SRRM4: variants seen among roughly 807,000 people sequenced by gnomAD.
SRRM4 encodes serine/arginine repetitive matrix protein 4.
In SRRM4, 33 loss-of-function variants were observed where a neutral mutation model predicts 68.9. That is an observed-to-expected ratio of 0.48 (90% CI 0.36 to 0.64). The LOEUF (loss-of-function observed/expected upper bound fraction) is 0.64. Among genes scored for constraint, SRRM4 ranks in the 30% least tolerant of loss-of-function variants. SRRM4 has a pLI of 0.00. For synonymous variants in SRRM4, 318 were observed against 318.8 expected, an observed-to-expected ratio of 1.00 and a Z score of 0.03; for missense variants, 817 against 827.1, an observed-to-expected ratio of 0.99 and a Z score of 0.15.
At chr12:119,090,784 G>C (rs558825688) in intron 1 of SRRM4, among the ~76,000 whole-genome samples, 1 of 152,116 alleles carries the variant, frequency 6.6e-6, no homozygotes, top group African/African-American at 2.4e-5. Context: ...GCTCCCCAAA[G>C]GCTGGCCCAG....
intron 6 of SRRM4, among the ~76,000 whole-genome samples, chr12:119,122,506 GTA>G (rs60441565): frequency 0.019 from 2,949 of 152,216 alleles, 83 homozygotes; most frequent in African/African-American, 0.067. Flanking sequence ...TACCTTGTGT[GTA>G]TATTTATACA....
intron 1 of SRRM4, among the ~76,000 whole-genome samples, chr12:119,047,128 T>G (rs1236973856): frequency 6.6e-6 from 1 of 151,310 alleles, no homozygotes; most frequent in Non-Finnish European, 1.5e-5. Context: ...CTTGGGAAAA[T>G]CTCTGAAACT....
At chr12:119,144,589 T>C (rs558881078) in intron 8 of SRRM4, 15 of 152,302 alleles carry the variant, frequency 9.8e-5, no homozygotes, top group Admixed American at 8.5e-4. Context: ...CATGAGAGAA[T>C]TTATTAGAAG....
At chr12:119,155,456 C>T (rs368752575) in intron 12 of SRRM4, among the ~76,000 whole-genome samples, 2 of 152,240 alleles carry the variant, frequency 1.3e-5, no homozygotes, top group East Asian at 3.9e-4. Flanking sequence ...CCACAGGGCA[C>T]CCTGCCTCAG....
chr12:119,033,482 G>A (rs1286971347), intron 1 of SRRM4, among the ~76,000 whole-genome samples: 1 of 152,114 alleles, frequency 6.6e-6, no homozygotes, highest in Admixed American at 6.5e-5. Flanking sequence ...TGGCCCACAT[G>A]GTGAAATCCC....
chr12:118,989,548 C>G (rs1344796811), intron 1 of SRRM4, among the ~76,000 whole-genome samples: 1 of 141,320 alleles, frequency 7.1e-6, no homozygotes, highest in Non-Finnish European at 1.5e-5. Context: ...CCCACACCTT[C>G]CAGCCCCCCA....
In SRRM4 at chr12:119,130,667, C is replaced by T; in HGVS notation, c.615-11C>T. On this transcript the variant is annotated splice_polypyrimidine_tract_variant and intron_variant, in intron 7 of 12. Coordinates refer to ENST00000267260, the MANE Select transcript of SRRM4 (RefSeq NM_194286.4). ...TCAAAAGACCCTCAGGTCTCTCTCC[C>T]CCATCCCCAGGCACCGCGGCCGGTC... 1.2e-6 allele frequency: 2 copies of T among 1,607,094 alleles called. No homozygotes were observed. Among genetic ancestry groups the T allele is most frequent in the Non-Finnish European group, 8.5e-7 (1 of 1,177,266 alleles).
At chr12:119,015,942 C>T (rs1051563472) in intron 1 of SRRM4, among the ~76,000 whole-genome samples, 7 of 152,000 alleles carry the variant, frequency 4.6e-5, no homozygotes, top group Admixed American at 3.9e-4. Context: ...CATATTCATG[C>T]CCACCAAGAA....
At chr12:119,148,033 A>G (rs1407729358) in intron 9 of SRRM4, among the ~76,000 whole-genome samples, 1 of 151,354 alleles carries the variant, frequency 6.6e-6, no homozygotes, top group Non-Finnish European at 1.5e-5. Flanking sequence ...CTTATAATTA[A>G]TGAGGCAGAT....
chr12:119,017,805 C>T (rs1302893695), intron 1 of SRRM4, among the ~76,000 whole-genome samples: 1 of 152,166 alleles, frequency 6.6e-6, no homozygotes, highest in East Asian at 1.9e-4. Flanking sequence ...TGAACTCATT[C>T]TGCCTCACTC....
chr12:119,150,476 T>C (rs983766688), intron 9 of SRRM4, among the ~76,000 whole-genome samples: 1 of 152,128 alleles, frequency 6.6e-6, no homozygotes, highest in African/African-American at 2.4e-5. Flanking sequence ...AAGAATCACA[T>C]GTCCTAAATA....
chr12:119,090,130 C>A (rs1050549716), intron 1 of SRRM4, among the ~76,000 whole-genome samples: 8 of 152,080 alleles, frequency 5.3e-5, no homozygotes, highest in Admixed American at 2.6e-4. Flanking sequence ...CAGACTCGAG[C>A]TGAAATGTTG....
chr12:119,019,953 C>T (rs1353061144), intron 1 of SRRM4, among the ~76,000 whole-genome samples: 1 of 75,364 alleles, frequency 1.3e-5, no homozygotes, highest in Non-Finnish European at 3.4e-5. Flanking sequence ...CCCCGCTCCC[C>T]CCCCCCCCAA....
intron 1 of SRRM4, among the ~76,000 whole-genome samples, chr12:119,008,074 C>T (rs1953426518): frequency 6.6e-6 from 1 of 152,154 alleles, no homozygotes; most frequent in African/African-American, 2.4e-5. Flanking sequence ...GAGGCTAATA[C>T]CCTTCCATTG....
chr12:119,091,468 CAG>C (rs1444250523), intron 1 of SRRM4, among the ~76,000 whole-genome samples: 1 of 152,100 alleles, frequency 6.6e-6, no homozygotes, highest in African/African-American at 2.4e-5. Flanking sequence ...GAAAGGTAGT[CAG>C]AGTCACAGTG....
chr12:119,146,733 G>A (rs1278401168), intron 9 of SRRM4, among the ~76,000 whole-genome samples: 3 of 152,056 alleles, frequency 2.0e-5, no homozygotes, highest in Admixed American at 6.5e-5. Context: ...TCAGGAGATC[G>A]AGACCATCCT....
At position 119,153,521 on chromosome 12, in the gene SRRM4, C is replaced by A; in HGVS notation, c.1281-18C>A. Reference sequence around the variant, plus strand: ...GGACACTCAGCAGGCTCCTCAGAGGCTGTTACCTCTCCCCCAGGTCCTACT... The same window carrying A: ...GGACACTCAGCAGGCTCCTCAGAGGATGTTACCTCTCCCCCAGGTCCTACT... On this transcript the variant is annotated intron_variant, in intron 10 of 12. Coordinates refer to ENST00000267260, the MANE Select transcript of SRRM4 (RefSeq NM_194286.4). The A allele has an allele frequency of 2.0e-6, 3 of 1,512,518 alleles. No individual in the cohort carries two copies. Among genetic ancestry groups the A allele is most frequent in the Non-Finnish European group, 2.7e-6 (3 of 1,110,400 alleles). 93.7% of individuals were successfully genotyped at this position (1,512,518 alleles called of 1,614,324 possible). A position where few individuals can be genotyped will look rare whatever the true frequency, so the allele number is the denominator to read the frequency against.
chr12:119,108,541 C>G (rs553761065), intron 2 of SRRM4, among the ~76,000 whole-genome samples: 11 of 152,088 alleles, frequency 7.2e-5, no homozygotes, highest in Non-Finnish European at 1.6e-4. Context: ...AGCTCTTCTT[C>G]TTGAATTGAT....
intron 2 of SRRM4, 139 bp downstream of exon 2, chr12:119,102,521 C>A (rs550475810): frequency 1.5e-6 from 1 of 678,880 alleles, no homozygotes. Flanking sequence ...CGTAGAGGAA[C>A]AAATCAGAAA....
Sources: allele counts gnomAD v4.1 joint callset (sites outside exome capture counted in the v4.1 genomes callset), GRCh38; gene constraint gnomAD v4.1.1; transcripts MANE v1.5; gene names NCBI Gene and HGNC (gene_info 2026-07-23, HGNC 2026-07-21).